PTPRD: variants seen among roughly 807,000 people sequenced by gnomAD.
PTPRD encodes protein tyrosine phosphatase receptor type D, also known as receptor-type tyrosine-protein phosphatase delta.
In PTPRD, 34 loss-of-function variants were observed where a neutral mutation model predicts 214.5. That is an observed-to-expected ratio of 0.16 (90% CI 0.12 to 0.21). The LOEUF (loss-of-function observed/expected upper bound fraction) is 0.21, where lower values mean the gene tolerates loss of function less well. Ranked by LOEUF, PTPRD falls within the 10% of genes least tolerant of loss-of-function variation. The probability of loss-of-function intolerance (pLI) is 1.00; values close to 1 mark genes in which losing one functional copy is unlikely to be tolerated. For synonymous variants in PTPRD, 1,128 were observed against 845.7 expected (o/e 1.33, Z -5.79); for missense variants, 2,545 against 2,398.7 (o/e 1.06, Z -1.27).
intron 7 of PTPRD, among the ~76,000 whole-genome samples, chr9:9,687,476 TTA>T (rs1263459384): frequency 6.6e-6 from 1 of 151,786 alleles, no homozygotes; most frequent in Non-Finnish European, 1.5e-5. Flanking sequence ...CAGACACCAG[TTA>T]TGTTTTCTCT....
chr9:8,570,489 A>C (rs150718870), intron 14 of PTPRD, among the ~76,000 whole-genome samples: 61 of 152,302 alleles, frequency 4.0e-4, no homozygotes, highest in African/African-American at 1.4e-3. Context: ...GGAAAACACT[A>C]GCACATTAAA....
intron 8 of PTPRD, among the ~76,000 whole-genome samples, chr9:9,537,514 G>C (rs915495797): frequency 2.0e-5 from 3 of 151,858 alleles, no homozygotes; most frequent in African/African-American, 7.2e-5. Context: ...AACCAGTTCA[G>C]GACAATTCAG....
At chr9:9,280,391 C>T (rs552736958) in intron 9 of PTPRD, among the ~76,000 whole-genome samples, 1 of 151,050 alleles carries the variant, frequency 6.6e-6, no homozygotes, top group African/African-American at 2.4e-5. Context: ...AAATAATCTA[C>T]AAAAAAACTC....
chr9:10,584,496 T>C (rs144774784), intron 2 of PTPRD, among the ~76,000 whole-genome samples: 1 of 152,284 alleles, frequency 6.6e-6, no homozygotes, highest in African/African-American at 2.4e-5. Flanking sequence ...TCTACTGTAG[T>C]TCCAGATCTG....
intron 44 of PTPRD, among the ~76,000 whole-genome samples, chr9:8,322,860 C>A (rs951682695): frequency 6.6e-6 from 1 of 152,134 alleles, no homozygotes; most frequent in Non-Finnish European, 1.5e-5. Flanking sequence ...GGCTGACTCT[C>A]TTGTTAGGGG....
At chr9:10,315,012 G>A (rs1388511440) in intron 3 of PTPRD, among the ~76,000 whole-genome samples, 1 of 151,952 alleles carries the variant, frequency 6.6e-6, no homozygotes, top group African/African-American at 2.4e-5. Context: ...TGGGAATGAT[G>A]TGAGAGGTAG....
At chr9:9,459,531 A>C (rs1589014227) in intron 8 of PTPRD, among the ~76,000 whole-genome samples, 2 of 152,116 alleles carry the variant, frequency 1.3e-5, no homozygotes, top group African/African-American at 4.8e-5. Context: ...TAATACACAA[A>C]AATCAATTCC....
In PTPRD at chr9:9,023,320, A is replaced by C. The variant is rs1204074388; in HGVS notation, c.-142-4585T>G. On this transcript the variant is annotated intron_variant, in intron 10 of 45. Transcript: ENST00000381196. ...CAAGTTGTTACTAAGGCCCAGAAAT[A>C]AATATCAACTCTTCATATATTGATT... Among the ~76,000 whole-genome samples, 5 of 152,116 alleles carry C rather than the reference A, an allele frequency of 3.3e-5. No individual in the cohort carries two copies. The East Asian group carries it at 9.6e-4, about 29-fold the overall frequency.
intron 9 of PTPRD, among the ~76,000 whole-genome samples, chr9:9,304,028 C>T (rs536661809): frequency 6.6e-6 from 1 of 152,272 alleles, no homozygotes; most frequent in African/African-American, 2.4e-5. Context: ...CCCTTTCCAA[C>T]TCTTTTAGCT....
intron 3 of PTPRD, among the ~76,000 whole-genome samples, chr9:10,339,727 G>C (rs893878247): frequency 1.3e-5 from 2 of 151,634 alleles, no homozygotes; most frequent in Admixed American, 1.3e-4. Context: ...ATCTTTAAGA[G>C]ATTAACAGGA....
intron 3 of PTPRD, among the ~76,000 whole-genome samples, chr9:10,184,639 C>T (rs1371662831): frequency 6.6e-6 from 1 of 152,162 alleles, no homozygotes; most frequent in Non-Finnish European, 1.5e-5. Context: ...ATGCCCACCT[C>T]TTTCCCTGGT....
intron 7 of PTPRD, among the ~76,000 whole-genome samples, chr9:9,615,313 G>A (rs1045076426): frequency 5.3e-5 from 8 of 152,004 alleles, no homozygotes; most frequent in South Asian, 2.1e-4. Context: ...ACTTCACACC[G>A]GCCACCAGGC....
chr9:9,125,682 G>C (rs535943242), intron 10 of PTPRD, among the ~76,000 whole-genome samples: 2 of 152,228 alleles, frequency 1.3e-5, no homozygotes, highest in Non-Finnish European at 2.9e-5. Flanking sequence ...AAACAATTCA[G>C]CTAATATTTA....
chr9:9,811,736 G>C (rs1424630455), intron 5 of PTPRD, among the ~76,000 whole-genome samples: 1 of 152,084 alleles, frequency 6.6e-6, no homozygotes, highest in Non-Finnish European at 1.5e-5. Flanking sequence ...GTTTATTGCA[G>C]TGGAACCTAC....
At chr9:9,844,499 T>C (rs560008371) in intron 5 of PTPRD, among the ~76,000 whole-genome samples, 1 of 152,100 alleles carries the variant, frequency 6.6e-6, no homozygotes, top group Admixed American at 6.6e-5. Flanking sequence ...TTTATAATCC[T>C]AATATCTGCC....
intron 10 of PTPRD, among the ~76,000 whole-genome samples, chr9:9,113,420 C>G (rs2099808937): frequency 6.6e-6 from 1 of 152,032 alleles, no homozygotes; most frequent in African/African-American, 2.4e-5. Flanking sequence ...AAAGGAGTTT[C>G]CAGTATTATA....
chr9:9,701,388 G>A (rs2097499161), intron 7 of PTPRD, among the ~76,000 whole-genome samples: 1 of 152,198 alleles, frequency 6.6e-6, no homozygotes, highest in Non-Finnish European at 1.5e-5. Context: ...TGGAAGCAGA[G>A]AAACTGGAGA....
intron 10 of PTPRD, among the ~76,000 whole-genome samples, chr9:9,028,353 C>A (rs968859253): frequency 2.6e-5 from 4 of 151,902 alleles, no homozygotes; most frequent in African/African-American, 9.7e-5. Flanking sequence ...AATTGCAGAA[C>A]TAAAATTATA....
At chr9:8,662,845 A>G (rs1012794361) in intron 12 of PTPRD, among the ~76,000 whole-genome samples, 14 of 152,190 alleles carry the variant, frequency 9.2e-5, no homozygotes, top group African/African-American at 3.4e-4. Flanking sequence ...TGTGGCACAC[A>G]CATTTACCTT....
Sources: allele counts gnomAD v4.1 joint callset (sites outside exome capture counted in the v4.1 genomes callset), GRCh38; gene constraint gnomAD v4.1.1; transcripts MANE v1.5; gene names NCBI Gene and HGNC (gene_info 2026-07-23, HGNC 2026-07-21).